PCDHGA4: variants seen among roughly 807,000 people sequenced by gnomAD.
PCDHGA4 encodes the protein protocadherin gamma subfamily A, 4.
In PCDHGA4, 38 loss-of-function variants were observed where a neutral mutation model predicts 54.6. The observed-to-expected ratio is 0.70, with a 90% confidence interval of 0.54 to 0.91. The LOEUF is 0.91. PCDHGA4 is among the 40% of genes least tolerant of loss of function. PCDHGA4 has a pLI of 0.00. For synonymous variants in PCDHGA4, 511 were observed against 512.9 expected, an observed-to-expected ratio of 1.00 and a Z score of 0.05; for missense variants, 1,298 against 1,220.9, an observed-to-expected ratio of 1.06 and a Z score of -0.94.
intron 1 of PCDHGA4, among the ~76,000 whole-genome samples, chr5:141,438,223 CA>C: frequency 6.6e-6 from 1 of 151,912 alleles, no homozygotes; most frequent in Non-Finnish European, 1.5e-5. Context: ...GGCTCTGGTT[CA>C]GGAAAATGTT....
At chr5:141,407,590 T>C (rs186034148) in intron 1 of PCDHGA4, among the ~76,000 whole-genome samples, 64 of 152,240 alleles carry the variant, frequency 4.2e-4, no homozygotes, top group Non-Finnish European at 7.1e-4. Context: ...CCTTAATGTC[T>C]CATCTTAAAA....
chr5:141,362,373 T>A (rs1281253972), intron 1 of PCDHGA4: 2 of 1,614,038 alleles, frequency 1.2e-6, no homozygotes, highest in Non-Finnish European at 1.7e-6. Flanking sequence ...ACAGTGAGGG[T>A]ACATTGCCCT....
chr5:141,413,909 T>C, intron 1 of PCDHGA4: 2 of 1,613,316 alleles, frequency 1.2e-6, no homozygotes, highest in Non-Finnish European at 1.7e-6. Context: ...AACGCGCCGG[T>C]CTTCACCTTG....
Position 141,431,075 on chromosome 5 carries a change from C to G in PCDHGA4, c.2515-63732C>G. ...GGGGGCCATCAAGTGTCAATTAAAT[C>G]TAGACATTCTGATGGAGGATAAAGT... is the stretch of plus-strand genomic sequence containing the variant. On this transcript the variant is annotated intron_variant, in intron 1 of 3. Coordinates refer to ENST00000571252, the MANE Select transcript of PCDHGA4 (RefSeq NM_018917.4). The surrounding 1 kb of genome is among the most constrained non-coding windows in gnomAD (Gnocchi z 4.8). 1 of 1,614,156 alleles carries G rather than the reference C, an allele frequency of 6.2e-7. No homozygotes were observed. Among genetic ancestry groups the G allele is most frequent in the Non-Finnish European group, 8.5e-7 (1 of 1,179,984 alleles).
chr5:141,398,866 T>C, intron 1 of PCDHGA4: 1 of 1,613,962 alleles, frequency 6.2e-7, no homozygotes, highest in Non-Finnish European at 8.5e-7. Flanking sequence ...CCGAGACGTG[T>C]ACAGAGTCAG....
intron 1 of PCDHGA4, chr5:141,400,251 C>T (rs2093990443): frequency 6.2e-7 from 1 of 1,614,014 alleles, no homozygotes; most frequent in Non-Finnish European, 8.5e-7. Flanking sequence ...TGGCCGTTGC[C>T]TTGCGCCTGC....
intron 1 of PCDHGA4, chr5:141,402,843 G>A (rs1370040306): frequency 5.7e-6 from 8 of 1,399,114 alleles, no homozygotes; most frequent in Non-Finnish European, 6.6e-6. Context: ...GCAAAACTCA[G>A]CCTCTTTCTT....
At chr5:141,505,151 G>T (rs2099844154) in intron 2 of PCDHGA4, among the ~76,000 whole-genome samples, 1 of 152,164 alleles carries the variant, frequency 6.6e-6, no homozygotes, top group Non-Finnish European at 1.5e-5. Context: ...GACAGAGTAA[G>T]ACCCTGTCTA....
At position 141,413,553 on chromosome 5, in the gene PCDHGA4, A is replaced by G; in HGVS notation, c.2514+55932A>G. On this transcript the variant is annotated intron_variant, in intron 1 of 3. Coordinates refer to ENST00000571252, the MANE Select transcript of PCDHGA4 (RefSeq NM_018917.4). ...TGAAACTTTTTGGGATAGAAATAGA[A>G]GTAACTGATATCAATGACAATGCTC... The G allele has an allele frequency of 6.2e-7, 1 of 1,613,938 alleles. No individual in the cohort carries two copies. Among genetic ancestry groups the G allele is most frequent in the Non-Finnish European group, 8.5e-7 (1 of 1,179,902 alleles).
chr5:141,501,237 A>G (rs1327502244), intron 2 of PCDHGA4, among the ~76,000 whole-genome samples: 1 of 150,372 alleles, frequency 6.7e-6, no homozygotes, highest in Non-Finnish European at 1.5e-5. Flanking sequence ...CAGTTTTTTG[A>G]GCATGATGTA....
At position 141,487,063 on chromosome 5, in the gene PCDHGA4, G is replaced by T; in HGVS notation, c.2515-7744G>T. The T allele has an allele frequency of 6.2e-7, 1 of 1,614,086 alleles. No homozygotes were observed. ...CTCGATATGCTGGGGAGGTGCGGACGGCTGTTCCTATCCCAGCTGACCTCC... is the reference window on the plus strand; with the variant it reads ...CTCGATATGCTGGGGAGGTGCGGACTGCTGTTCCTATCCCAGCTGACCTCC... On this transcript the variant is annotated intron_variant, in intron 1 of 3. Coordinates refer to ENST00000571252, the MANE Select transcript of PCDHGA4 (RefSeq NM_018917.4). The surrounding 1 kb of genome is among the most constrained non-coding windows in gnomAD (Gnocchi z 5.0).
chr5:141,360,352 G>T (rs1361866062), intron 1 of PCDHGA4: 1 of 1,613,894 alleles, frequency 6.2e-7, no homozygotes, highest in Admixed American at 1.7e-5. Context: ...CGCGGAGAAG[G>T]AATATTTCAC....
Position 141,476,292 on chromosome 5 carries a change from G to A in PCDHGA4, c.2515-18515G>A. The A allele has an allele frequency of 1.9e-6, 3 of 1,614,144 alleles. No homozygotes were observed. The highest frequency in any genetic ancestry group is 2.5e-6 in the Non-Finnish European group (3 of 1,180,016). On this transcript the variant is annotated intron_variant, in intron 1 of 3. Transcript: ENST00000571252. This position sits in a 1 kb window ranked among gnomAD's most constrained non-coding sequence, Gnocchi z 7.6. ...GTCGCGAACCTTGGTTTGGATCTCGGTAGCCTCTCAGCCCGCAGGTTCCGG... is the reference window on the plus strand; with the variant it reads ...GTCGCGAACCTTGGTTTGGATCTCGATAGCCTCTCAGCCCGCAGGTTCCGG...
rs1561863226 is a variant in PCDHGA4, at chr5:141,432,653, C to T, written c.2515-62154C>T. On this transcript the variant is annotated intron_variant, in intron 1 of 3. Transcript: ENST00000571252. The surrounding 1 kb of genome is among the most constrained non-coding windows in gnomAD (Gnocchi z 6.0). Reference sequence around the variant, plus strand: ...GGGCGAGGTGCGCACGGCGCGAGCCCTGCTGGACAGAGACGCGCTCAAGCA... The same window carrying T: ...GGGCGAGGTGCGCACGGCGCGAGCCTTGCTGGACAGAGACGCGCTCAAGCA... 5 of 1,613,852 alleles carry T rather than the reference C, an allele frequency of 3.1e-6. No individual in the cohort carries two copies. In the South Asian group the frequency reaches 4.4e-5, roughly 14 times the overall value.
intron 1 of PCDHGA4, among the ~76,000 whole-genome samples, chr5:141,484,207 A>G (rs898823095): frequency 2.6e-5 from 4 of 152,218 alleles, no homozygotes; most frequent in Non-Finnish European, 5.9e-5. Context: ...ATCTATGAAC[A>G]TTAGCATTCT....
rs67622091 is a variant in PCDHGA4 at position 141,388,335 on chromosome 5, C to T, written c.2514+30714C>T. ...AAGTGAGTCTGCACAGCCTGGCACA[C>T]GATTTATATTAGGATCTGCCCATGA... On this transcript the variant is annotated intron_variant, in intron 1 of 3. Transcript: ENST00000571252. 13 of 1,613,842 alleles carry T rather than the reference C, an allele frequency of 8.1e-6. No homozygotes were observed. In the East Asian group the frequency reaches 1.8e-4, roughly 22 times the overall value.
chr5:141,375,526 G>A (rs377448744), intron 1 of PCDHGA4: 1 of 1,614,008 alleles, frequency 6.2e-7, no homozygotes, highest in Non-Finnish European at 8.5e-7. Flanking sequence ...ACCCTGACGT[G>A]GACCAGAACG....
intron 1 of PCDHGA4, chr5:141,392,696 T>A: frequency 8.2e-7 from 1 of 1,212,692 alleles, no homozygotes. Flanking sequence ...ACCCGACCCC[T>A]GTTTGGAGGC....
Position 141,485,291 on chromosome 5 carries a change from CAGGA to C in PCDHGA4, c.2515-9512_2515-9509del. ...CCGCTACCCGGTCCCAGAGGAGTCA[CAGGA>C]AGGGACTTTTGTAGGGAATGTCGCT... On this transcript the variant is annotated intron_variant, in intron 1 of 3. Transcript: ENST00000571252. The surrounding 1 kb of genome is among the most constrained non-coding windows in gnomAD (Gnocchi z 5.7). 1 of 1,614,152 alleles carries C rather than the reference CAGGA, an allele frequency of 6.2e-7. No individual in the cohort carries two copies. Among genetic ancestry groups the C allele is most frequent in the Non-Finnish European group, 8.5e-7 (1 of 1,179,992 alleles).
Sources: gnomAD v4.1 joint callset for allele counts (sites outside exome capture counted in the v4.1 genomes callset) on GRCh38, gnomAD v4.1.1 for gene constraint, Gnocchi (gnomAD v3.1) non-coding constraint, MANE v1.5 for transcripts, NCBI Gene and HGNC (gene_info 2026-07-23, HGNC 2026-07-21) for gene names.